MRPS6: variants seen among roughly 807,000 people sequenced by gnomAD.
MRPS6 encodes small ribosomal subunit protein bS6m.
MRPS6 carries 6 observed loss-of-function variants against 13.1 expected under a neutral mutation model. The observed-to-expected ratio is 0.46, with a 90% confidence interval of 0.25 to 0.91. MRPS6 has a LOEUF of 0.91. Among genes scored for constraint, MRPS6 ranks in the 40% least tolerant of loss-of-function variants. MRPS6 has a pLI of 0.18. For missense variants in MRPS6, 164 were observed against 155.6 expected (o/e 1.05, Z -0.29); for synonymous variants, 61 against 56.5 (o/e 1.08, Z -0.36).
chr21:34,096,743 C>T lies in MRPS6; in HGVS notation c.45+22998C>T. On this transcript the variant is annotated intron_variant, in intron 1 of 2. Coordinates refer to ENST00000399312, the MANE Select transcript of MRPS6 (RefSeq NM_032476.4). This position sits in a 1 kb window ranked among gnomAD's most constrained non-coding sequence, Gnocchi z 5.9. ...AAGACATCCATTATATGTATGTGGC[C>T]ACAGGATTGTTTTGGGTCACGGGAC... The T allele has an allele frequency of 6.2e-7, 1 of 1,613,978 alleles. No individual in the cohort carries two copies. The highest frequency in any genetic ancestry group is 1.1e-5 in the South Asian group (1 of 91,070).
At chr21:34,116,323 T>G (rs966524158) in intron 1 of MRPS6, among the ~76,000 whole-genome samples, 18 of 151,496 alleles carry the variant, frequency 1.2e-4, no homozygotes, top group African/African-American at 3.9e-4. Flanking sequence ...TCCATGTTTT[T>G]TTTTTTTTTT....
At chr21:34,080,780 C>A (rs914033549) in intron 1 of MRPS6, among the ~76,000 whole-genome samples, 1 of 152,202 alleles carries the variant, frequency 6.6e-6, no homozygotes, top group Middle Eastern at 3.2e-3. Flanking sequence ...ATGGTAGATA[C>A]TTACTAAGCT....
intron 2 of MRPS6, among the ~76,000 whole-genome samples, chr21:34,129,319 C>A (rs935378659): frequency 2.6e-5 from 4 of 152,124 alleles, no homozygotes; most frequent in African/African-American, 9.7e-5. Flanking sequence ...GGAAACTATA[C>A]AAAAAGTGCG....
At chr21:34,111,992 CTT>C (rs1979718771) in intron 1 of MRPS6, among the ~76,000 whole-genome samples, 2 of 152,002 alleles carry the variant, frequency 1.3e-5, no homozygotes, top group Non-Finnish European at 2.9e-5. Context: ...TTGTTTCTGT[CTT>C]TTGTCTTATT....
intron 1 of MRPS6, among the ~76,000 whole-genome samples, chr21:34,109,206 C>G (rs187781717): frequency 6.6e-6 from 1 of 152,042 alleles, no homozygotes; most frequent in Non-Finnish European, 1.5e-5. Context: ...CTTCCACTCC[C>G]GCTTTATTTA....
chr21:34,082,934 T>C (rs764310389), intron 1 of MRPS6, among the ~76,000 whole-genome samples: 18 of 152,118 alleles, frequency 1.2e-4, no homozygotes, highest in Non-Finnish European at 1.6e-4. Context: ...TCAGTAGAGG[T>C]TGGTGTAGAT....
At chr21:34,086,900 G>A (rs1978417112) in intron 1 of MRPS6, among the ~76,000 whole-genome samples, 5 of 152,144 alleles carry the variant, frequency 3.3e-5, no homozygotes, top group Admixed American at 3.3e-4. Context: ...GGGAATTGTT[G>A]CTTGCCGGCA....
chr21:34,074,259 A>G (rs560637578), intron 1 of MRPS6, among the ~76,000 whole-genome samples: 24 of 151,900 alleles, frequency 1.6e-4, no homozygotes, highest in African/African-American at 4.8e-4. Flanking sequence ...GTCCGCGCCC[A>G]ATAAAGCGTT....
chr21:34,085,715 G>T (rs1602912987), intron 1 of MRPS6, among the ~76,000 whole-genome samples: 1 of 149,726 alleles, frequency 6.7e-6, no homozygotes, highest in East Asian at 2.0e-4. Flanking sequence ...CCATTCTCCT[G>T]CCTCAGCCCC....
chr21:34,089,875 G>A (rs1391250942), intron 1 of MRPS6, among the ~76,000 whole-genome samples: 1 of 152,188 alleles, frequency 6.6e-6, no homozygotes, highest in Non-Finnish European at 1.5e-5. Context: ...AAAGATTTAA[G>A]GGCAAATTCT....
chr21:34,078,799 A>T (rs891435352), intron 1 of MRPS6, among the ~76,000 whole-genome samples: 1 of 152,246 alleles, frequency 6.6e-6, no homozygotes, highest in African/African-American at 2.4e-5. Context: ...GTGATTACTC[A>T]TGTTATAAAA....
intron 1 of MRPS6, chr21:34,101,511 T>G: frequency 1.0e-6 from 1 of 1,000,236 alleles, no homozygotes; most frequent in Non-Finnish European, 1.2e-6. Flanking sequence ...AAATGGGATC[T>G]GTTTCTATAT....
chr21:34,085,932 C>T (rs991222897), intron 1 of MRPS6, among the ~76,000 whole-genome samples: 4 of 152,270 alleles, frequency 2.6e-5, no homozygotes, highest in South Asian at 2.1e-4. Context: ...AACCGTAGTG[C>T]CTTTACACCT....
chr21:34,110,744 A>G (rs117577374), intron 1 of MRPS6, among the ~76,000 whole-genome samples: 197 of 152,272 alleles, frequency 1.3e-3, no homozygotes, highest in East Asian at 0.011. Flanking sequence ...GTGTTTGTCA[A>G]TCAATACATG....
At chr21:34,104,022 G>A in intron 1 of MRPS6, 1 of 1,000,112 alleles carries the variant, frequency 1.0e-6, no homozygotes, top group Non-Finnish European at 1.2e-6. Flanking sequence ...CCTCTTAACA[G>A]TGCCCCCCCA....
chr21:34,085,704 G>A (rs567812881), intron 1 of MRPS6, among the ~76,000 whole-genome samples: 3 of 149,668 alleles, frequency 2.0e-5, no homozygotes, highest in Middle Eastern at 7.0e-3. Flanking sequence ...CGGGTTTCAC[G>A]CCATTCTCCT....
intron 1 of MRPS6, among the ~76,000 whole-genome samples, chr21:34,092,480 G>A (rs1978751277): frequency 6.6e-6 from 1 of 152,180 alleles, no homozygotes; most frequent in Admixed American, 6.5e-5. Flanking sequence ...TTGAGCTAGT[G>A]TTAGGGTACT....
chr21:34,109,080 A>G (rs1421117036), intron 1 of MRPS6, among the ~76,000 whole-genome samples: 1 of 152,144 alleles, frequency 6.6e-6, no homozygotes. Flanking sequence ...GAAAAAGAAT[A>G]AAATTTCTGT....
chr21:34,100,286 A>G (rs1246601152), intron 1 of MRPS6: 4 of 999,982 alleles, frequency 4.0e-6, no homozygotes, highest in Non-Finnish European at 3.6e-6. Context: ...GGCATATTAC[A>G]TTGGTATGCA....
Sources: gnomAD v4.1 joint callset for allele counts (sites outside exome capture counted in the v4.1 genomes callset) on GRCh38, gnomAD v4.1.1 for gene constraint, Gnocchi (gnomAD v3.1) non-coding constraint, MANE v1.5 for transcripts, NCBI Gene and HGNC (gene_info 2026-07-23, HGNC 2026-07-21) for gene names.